The following GPC6 variants were observed in gnomAD, a reference collection of about 807,000 sequenced individuals.
GPC6 encodes glypican-6.
In GPC6, 14 loss-of-function variants were observed where a neutral mutation model predicts 55.2. The observed-to-expected ratio is 0.25, with a 90% confidence interval of 0.17 to 0.40. The LOEUF (loss-of-function observed/expected upper bound fraction) is 0.40. Ranked by LOEUF, GPC6 falls within the 10% of genes least tolerant of loss-of-function variation. The pLI, the probability that GPC6 is intolerant of heterozygous loss-of-function variation, is 1.00. For synonymous variants in GPC6, 278 were observed against 259.6 expected, an observed-to-expected ratio of 1.07 and a Z score of -0.68; for missense variants, 641 against 708.5, an observed-to-expected ratio of 0.90 and a Z score of 1.08.
At chr13:93,264,252 C>T (rs541104063) in intron 1 of GPC6, among the ~76,000 whole-genome samples, 25 of 152,244 alleles carry the variant, frequency 1.6e-4, no homozygotes, top group Admixed American at 1.2e-3. Flanking sequence ...TTTAATGGTA[C>T]ACTGAAAACA....
At chr13:94,140,678 G>A (rs1887342021) in intron 4 of GPC6, among the ~76,000 whole-genome samples, 1 of 152,090 alleles carries the variant, frequency 6.6e-6, no homozygotes, top group African/African-American at 2.4e-5. Context: ...CAGAAATGTG[G>A]CTCCTTTAAC....
intron 1 of GPC6, among the ~76,000 whole-genome samples, chr13:93,346,496 G>A (rs892291548): frequency 6.6e-6 from 1 of 152,148 alleles, no homozygotes; most frequent in African/African-American, 2.4e-5. Context: ...GTAAGTGTCT[G>A]CAAGACCATG....
At chr13:94,116,573 T>TG in intron 4 of GPC6, among the ~76,000 whole-genome samples, 1 of 152,138 alleles carries the variant, frequency 6.6e-6, no homozygotes, top group African/African-American at 2.4e-5. Flanking sequence ...CCTGTCATAT[T>TG]ATCCTGCCTC....
intron 4 of GPC6, among the ~76,000 whole-genome samples, chr13:94,105,709 A>G (rs1886029028): frequency 6.6e-6 from 1 of 152,234 alleles, no homozygotes; most frequent in African/African-American, 2.4e-5. Context: ...TTTAAAGCAC[A>G]ACAATTAAAT....
intron 1 of GPC6, among the ~76,000 whole-genome samples, chr13:93,506,404 G>A (rs1354225002): frequency 1.3e-5 from 2 of 152,108 alleles, no homozygotes; most frequent in East Asian, 3.9e-4. Context: ...CACTAACTTG[G>A]TAGCTATTAG....
intron 4 of GPC6, among the ~76,000 whole-genome samples, chr13:94,111,473 T>TATA (rs149246452): frequency 0.026 from 3,762 of 144,394 alleles, 55 homozygotes; most frequent in Middle Eastern, 0.063. Flanking sequence ...TTAAAGTAAA[T>TATA]ATAATAATAA....
intron 3 of GPC6, among the ~76,000 whole-genome samples, chr13:93,943,081 G>C (rs1303274801): frequency 6.6e-6 from 1 of 152,090 alleles, no homozygotes; most frequent in Admixed American, 6.6e-5. Context: ...GCACTTTATT[G>C]CACGTATCCT....
chr13:93,932,608 A>G (rs1386164105), intron 3 of GPC6, among the ~76,000 whole-genome samples: 1 of 152,212 alleles, frequency 6.6e-6, no homozygotes, highest in Non-Finnish European at 1.5e-5. Flanking sequence ...AGTGTTGGGA[A>G]AATAAATGAA....
chr13:93,481,221 ATTGT>A (rs766933569), intron 1 of GPC6, among the ~76,000 whole-genome samples: 10 of 152,034 alleles, frequency 6.6e-5, no homozygotes, highest in Admixed American at 4.6e-4. Context: ...GTAGGAGCTG[ATTGT>A]TTGTATATCT....
intron 3 of GPC6, among the ~76,000 whole-genome samples, chr13:93,913,754 A>G (rs1387812500): frequency 1.3e-5 from 2 of 152,194 alleles, no homozygotes; most frequent in African/African-American, 2.4e-5. Flanking sequence ...CGTGATGGCA[A>G]CAACCGCTGG....
chr13:94,203,205 C>T (rs560999568), intron 4 of GPC6, among the ~76,000 whole-genome samples: 1 of 150,866 alleles, frequency 6.6e-6, no homozygotes, highest in South Asian at 2.1e-4. Context: ...TTTGAAATTA[C>T]AATTGCTCAA....
chr13:93,380,446 C>A (rs1371110164), intron 1 of GPC6, among the ~76,000 whole-genome samples: 1 of 152,098 alleles, frequency 6.6e-6, no homozygotes, highest in Admixed American at 6.5e-5. Flanking sequence ...GAATACATCC[C>A]AGGGTGATGC....
At chr13:93,270,660 T>A (rs1178198458) in intron 1 of GPC6, among the ~76,000 whole-genome samples, 1 of 151,592 alleles carries the variant, frequency 6.6e-6, no homozygotes, top group Non-Finnish European at 1.5e-5. Flanking sequence ...CCATACATTT[T>A]ATATCTCTGT....
chr13:93,748,267 C>A (rs1184719443), intron 2 of GPC6, among the ~76,000 whole-genome samples: 2 of 152,216 alleles, frequency 1.3e-5, no homozygotes, highest in Non-Finnish European at 1.5e-5. Context: ...TTTTTAAATG[C>A]AATCTGAGAA....
chr13:94,087,544 T>A (rs150893029), intron 4 of GPC6, among the ~76,000 whole-genome samples: 3 of 152,350 alleles, frequency 2.0e-5, no homozygotes, highest in Admixed American at 1.3e-4. Flanking sequence ...CAGGCACTGT[T>A]ACCTCATCCA....
At chr13:94,174,364 A>G (rs898390100) in intron 4 of GPC6, among the ~76,000 whole-genome samples, 3 of 152,176 alleles carry the variant, frequency 2.0e-5, no homozygotes, top group Admixed American at 2.0e-4. Flanking sequence ...AATATCAAAT[A>G]GGGTAAATCA....
At chr13:93,915,310 A>G (rs1489607671) in intron 3 of GPC6, among the ~76,000 whole-genome samples, 3 of 152,212 alleles carry the variant, frequency 2.0e-5, no homozygotes, top group Non-Finnish European at 4.4e-5. Flanking sequence ...CAGAGCATAA[A>G]TGATGCTGTA....
At chr13:93,467,575 C>CTTTTTTTTTTTTTTTTTTTTTTTTT (rs11426472) in intron 1 of GPC6, among the ~76,000 whole-genome samples, 1 of 74,020 alleles carries the variant, frequency 1.4e-5, no homozygotes. Context: ...AGCTGTGATT[C>CTTTTTTTTTTTTTTTTTTTTTTTTT]TTTTTTTTTT....
chr13:94,323,080 A>AT (rs1259919989), intron 6 of GPC6, among the ~76,000 whole-genome samples: 75 of 152,280 alleles, frequency 4.9e-4, no homozygotes, highest in African/African-American at 1.8e-3. Context: ...CCAAATGAGG[A>AT]TGACGGGATT....
Sources: gnomAD v4.1 joint callset for allele counts (sites outside exome capture counted in the v4.1 genomes callset) on GRCh38, gnomAD v4.1.1 for gene constraint, MANE v1.5 for transcripts, NCBI Gene and HGNC (gene_info 2026-07-23, HGNC 2026-07-21) for gene names.